VPS26C: variants seen among roughly 807,000 people sequenced by gnomAD.
VPS26C encodes VPS26 endosomal protein sorting factor C.
In VPS26C, 19 loss-of-function variants were observed where a neutral mutation model predicts 30.6. That is an observed-to-expected ratio of 0.62 (90% CI 0.43 to 0.91). The LOEUF is 0.91. Among genes scored for constraint, VPS26C ranks in the 40% least tolerant of loss-of-function variants. VPS26C has a pLI of 0.00. For missense variants in VPS26C, 318 were observed against 385.1 expected (o/e 0.83, Z 1.46); for synonymous variants, 132 against 151.5 (o/e 0.87, Z 0.95).
chr21:37,234,512 A>G (rs900312644), intron 3 of VPS26C, among the ~76,000 whole-genome samples: 1 of 152,198 alleles, frequency 6.6e-6, no homozygotes, highest in African/African-American at 2.4e-5. Flanking sequence ...CCGTGAGCTG[A>G]GAGACTATTT....
rs1555935426 is a variant in VPS26C at position 37,267,202 on chromosome 21, A to G, written c.57+36T>C. ...ACAGCGGAACCTGCAGACCCGCCCA[A>G]CCCCACCTCCATCCCCACCCCCAGC... On this transcript the variant is annotated intron_variant, in intron 1 of 7. Transcript: ENST00000309117. 6.0e-6 allele frequency: 6 copies of G among 998,936 alleles called. No homozygotes were observed. The South Asian group carries it at 8.0e-5, about 13-fold the overall frequency. The allele number at this position is 998,936 out of a possible 1,614,324, so 61.9% of individuals were successfully genotyped here.
chr21:37,239,327 G>A (rs1192711548), intron 2 of VPS26C, among the ~76,000 whole-genome samples: 2 of 152,208 alleles, frequency 1.3e-5, no homozygotes, highest in Non-Finnish European at 2.9e-5. Context: ...TGAACACTGT[G>A]AATGCACCTT....
intron 1 of VPS26C, among the ~76,000 whole-genome samples, chr21:37,266,618 G>A (rs1279329833): frequency 1.3e-5 from 2 of 152,168 alleles, no homozygotes; most frequent in Non-Finnish European, 2.9e-5. Context: ...ACTGGCCAAT[G>A]TCACAAAACC....
chr21:37,246,605 A>C (rs2086140252), intron 1 of VPS26C, among the ~76,000 whole-genome samples: 1 of 152,252 alleles, frequency 6.6e-6, no homozygotes, highest in Non-Finnish European at 1.5e-5. Flanking sequence ...AGTGATGATT[A>C]TAATGAAAGA....
Position 37,267,208 on chromosome 21 carries a change from CCTCCATCCCCA to C in VPS26C, c.57+19_57+29del. On this transcript the variant is annotated intron_variant, in intron 1 of 7. Coordinates refer to ENST00000309117, the MANE Select transcript of VPS26C (RefSeq NM_006052.2). ...GAACCTGCAGACCCGCCCAACCCCA[CCTCCATCCCCA>C]CCCCCAGCCCCCACTTACCCCGGCG... 1.0e-6 allele frequency: 1 copy of C among 1,000,710 alleles called. No individual in the cohort carries two copies. The highest frequency in any genetic ancestry group is 2.5e-5 in the East Asian group (1 of 40,156). 62.0% of individuals were successfully genotyped at this position (1,000,710 alleles called of 1,614,324 possible). A position where few individuals can be genotyped will look rare whatever the true frequency, so the allele number is the denominator to read the frequency against.
At chr21:37,266,283 C>G (rs1210730521) in intron 1 of VPS26C, among the ~76,000 whole-genome samples, 1 of 152,162 alleles carries the variant, frequency 6.6e-6, no homozygotes, top group South Asian at 2.1e-4. Context: ...TAAGAGCAGG[C>G]TTCCCTAGTT....
chr21:37,241,954 C>G (rs1044756809), intron 1 of VPS26C, among the ~76,000 whole-genome samples: 13 of 152,170 alleles, frequency 8.5e-5, no homozygotes, highest in Admixed American at 5.9e-4. Context: ...CAAGTTCTTA[C>G]TTTAACTTGA....
chr21:37,250,773 G>A (rs879895220), intron 1 of VPS26C, among the ~76,000 whole-genome samples: 13 of 151,598 alleles, frequency 8.6e-5, no homozygotes, highest in Admixed American at 6.6e-5. Flanking sequence ...GGTGGTGCAC[G>A]CCTGTAATCC....
chr21:37,240,784 G>A (rs1295677037), intron 1 of VPS26C, 145 bp from the exon 2 acceptor site: 11 of 1,162,730 alleles, frequency 9.5e-6, no homozygotes, highest in East Asian at 2.6e-5. Flanking sequence ...GGGTGGAGAA[G>A]GCCCAGGTCC....
chr21:37,226,435 G>A lies in VPS26C; in HGVS notation c.812-809C>T, dbSNP rs972540797. 7 of 152,314 alleles carry A rather than the reference G, an allele frequency of 4.6e-5. No homozygotes were observed. The highest frequency in any genetic ancestry group is 9.6e-5 in the African/African-American group (4 of 41,454). 9.4% of individuals were successfully genotyped at this position (152,314 alleles called of 1,614,324 possible). ...CCAAACATCAGCCACAAGAAGAGTC[G>A]GCCACCAGCAGTGGCCGGCCTGTCC... On this transcript the variant is annotated intron_variant, in intron 7 of 7. Coordinates refer to ENST00000309117, the MANE Select transcript of VPS26C (RefSeq NM_006052.2). This position sits in a 1 kb window ranked among gnomAD's most constrained non-coding sequence, Gnocchi z 4.1.
At chr21:37,255,058 T>C (rs1418647767) in intron 1 of VPS26C, among the ~76,000 whole-genome samples, 1 of 152,218 alleles carries the variant, frequency 6.6e-6, no homozygotes, top group Non-Finnish European at 1.5e-5. Context: ...TTTGTATTAG[T>C]TGCATTTTCT....
At position 37,257,891 on chromosome 21, in the gene VPS26C, G is replaced by T. The variant is rs945577694; in HGVS notation, c.57+9347C>A. Among the ~76,000 whole-genome samples the T allele has an allele frequency of 7.8e-4, 118 of 152,220 alleles. 1 individual carries two copies. The highest frequency in any genetic ancestry group is 1.2e-3 in the Non-Finnish European group (82 of 68,036). Reference sequence around the variant, plus strand: ...TGCCTCCGGGTGGGGCACCAAGCGGGGAGCGGGGCCACGAGGCAGGGGACA... The same window carrying T: ...TGCCTCCGGGTGGGGCACCAAGCGGTGAGCGGGGCCACGAGGCAGGGGACA... On this transcript the variant is annotated intron_variant, in intron 1 of 7. Transcript: ENST00000309117. This position sits in a 1 kb window ranked among gnomAD's most constrained non-coding sequence, Gnocchi z 4.2.
At chr21:37,260,260 G>C (rs60116950) in intron 1 of VPS26C, among the ~76,000 whole-genome samples, 1 of 152,194 alleles carries the variant, frequency 6.6e-6, no homozygotes, top group South Asian at 2.1e-4. Flanking sequence ...AGTCTACCTA[G>C]TTATAAAACA....
intron 1 of VPS26C, among the ~76,000 whole-genome samples, chr21:37,266,046 T>C (rs1190557113): frequency 6.6e-6 from 1 of 151,426 alleles, no homozygotes; most frequent in Non-Finnish European, 1.5e-5. Flanking sequence ...GCCTCCCTGG[T>C]AGCTTGGATT....
Position 37,255,408 on chromosome 21 carries a change from G to A in VPS26C, c.57+11830C>T, listed in dbSNP as rs1602284142. ...AAATAAGACACTGTCATGGGGGAAC[G>A]GTAGTGAGGATGAAGGGACCGCGAC... On this transcript the variant is annotated intron_variant, in intron 1 of 7. Transcript: ENST00000309117. 2.6e-5 allele frequency among the ~76,000 whole-genome samples: 4 copies of A among 152,184 alleles called. No homozygotes were observed. In the South Asian group the frequency reaches 8.3e-4, roughly 31 times the overall value.
intron 2 of VPS26C, 90 bp from the exon 3 acceptor site, chr21:37,238,699 G>A (rs560748935): frequency 7.3e-5 from 109 of 1,496,202 alleles, no homozygotes; most frequent in South Asian, 6.1e-4. Flanking sequence ...ACAGCACCCC[G>A]ACCCCCTGGA....
At chr21:37,248,713 T>TAAAAAAAAAAAAAAAAAAA (rs558050794) in intron 1 of VPS26C, among the ~76,000 whole-genome samples, 2 of 98,106 alleles carry the variant, frequency 2.0e-5, no homozygotes, top group African/African-American at 7.2e-5. Flanking sequence ...GCAACGAACT[T>TAAAAAAAAAAAAAAAAAAA]AAAAAAAAAA....
At chr21:37,250,881 C>T (rs1024577049) in intron 1 of VPS26C, among the ~76,000 whole-genome samples, 1 of 117,504 alleles carries the variant, frequency 8.5e-6, no homozygotes, top group African/African-American at 3.3e-5. Context: ...GCCTGGGCAA[C>T]AGAGTGAGAC....
rs985971611 is a variant in VPS26C at position 37,228,263 on chromosome 21, G to A, written c.618C>T (p.Ile206=). The change falls in exon 6 of 8, where the codon ATC becomes ATT. Residue 206 remains isoleucine (I), a synonymous_variant. Coordinates refer to ENST00000309117, the MANE Select transcript of VPS26C (RefSeq NM_006052.2). ...ELVVESSEAA[I]RSVELQLVRV... ...GCACCAGCTGCAGCTCCACGCTTCT[G>A]ATGGCGGCTTCCGAGCTCTCCACCA... is the stretch of plus-strand genomic sequence containing the variant. 6.2e-6 allele frequency: 10 copies of A among 1,613,348 alleles called. No individual in the cohort carries two copies. The African/African-American group carries it at 1.3e-4, about 22-fold the overall frequency.
Sources: allele counts gnomAD v4.1 joint callset (sites outside exome capture counted in the v4.1 genomes callset), GRCh38; gene constraint gnomAD v4.1.1; non-coding constraint Gnocchi (gnomAD v3.1); transcripts MANE v1.5; gene names NCBI Gene and HGNC (gene_info 2026-07-23, HGNC 2026-07-21).